CD200R1: variants seen among roughly 807,000 people sequenced by gnomAD.
The protein encoded by CD200R1 is CD200 receptor 1.
CD200R1 carries 30 observed loss-of-function variants against 38.1 expected under a neutral mutation model. The observed-to-expected ratio is 0.79, with a 90% CI of 0.59 to 1.07. CD200R1 has a LOEUF of 1.07. Ranked by LOEUF, CD200R1 falls within the 50% of genes least tolerant of loss-of-function variation. The pLI is 0.00. For synonymous variants in CD200R1, 128 were observed against 152.1 expected (o/e 0.84, Z 1.16); for missense variants, 372 against 415.4 (o/e 0.90, Z 0.91).
intron 1 of CD200R1, among the ~76,000 whole-genome samples, chr3:112,953,057 C>G (rs1941005354): frequency 2.0e-5 from 3 of 152,130 alleles, no homozygotes; most frequent in Non-Finnish European, 4.4e-5. Context: ...GAAAGGCTTT[C>G]CATTTTCCCC....
chr3:112,924,818 T>C (rs1393796131), intron 6 of CD200R1, among the ~76,000 whole-genome samples: 1 of 152,078 alleles, frequency 6.6e-6, no homozygotes, highest in Non-Finnish European at 1.5e-5. Context: ...ATTGTAATTA[T>C]TTACCCAAAT....
intron 1 of CD200R1, among the ~76,000 whole-genome samples, chr3:112,955,800 T>C (rs1167658147): frequency 6.6e-6 from 1 of 152,030 alleles, no homozygotes; most frequent in Non-Finnish European, 1.5e-5. Flanking sequence ...ATTTTTTTTT[T>C]TTTTCAGTAC....
At chr3:112,945,366 A>T (rs1940824352) in intron 2 of CD200R1, among the ~76,000 whole-genome samples, 1 of 152,222 alleles carries the variant, frequency 6.6e-6, no homozygotes, top group South Asian at 2.1e-4. Context: ...TAGCAAAAGA[A>T]GAGCTAAATA....
intron 1 of CD200R1, among the ~76,000 whole-genome samples, chr3:112,952,334 T>G (rs1940985756): frequency 6.6e-6 from 1 of 152,210 alleles, no homozygotes; most frequent in Non-Finnish European, 1.5e-5. Flanking sequence ...TTAATGTTGA[T>G]TTTGTATCCT....
chr3:112,955,481 A>G (rs1161061706), intron 1 of CD200R1, among the ~76,000 whole-genome samples: 1 of 151,600 alleles, frequency 6.6e-6, no homozygotes, highest in African/African-American at 2.4e-5. Flanking sequence ...CTTTATCAAT[A>G]TATAAAGACC....
At chr3:112,949,846 T>C (rs1299404935) in intron 1 of CD200R1, among the ~76,000 whole-genome samples, 1 of 152,138 alleles carries the variant, frequency 6.6e-6, no homozygotes, top group Non-Finnish European at 1.5e-5. Context: ...ACGGGAATAG[T>C]TAAGTTCGGG....
intron 1 of CD200R1, among the ~76,000 whole-genome samples, chr3:112,952,578 T>C (rs986082730): frequency 7.9e-5 from 12 of 152,006 alleles, no homozygotes; most frequent in South Asian, 2.1e-4. Context: ...TAGGTGGGAA[T>C]TGAACAATGA....
At chr3:112,933,950 G>T (rs9815606) in intron 2 of CD200R1, among the ~76,000 whole-genome samples, 87,634 of 151,628 alleles carry the variant, frequency 0.58, 25,697 homozygotes, top group African/African-American at 0.68. Flanking sequence ...AAAAGAAAAA[G>T]AATTTTAAAA....
intron 2 of CD200R1, among the ~76,000 whole-genome samples, chr3:112,946,111 CTG>C (rs1940854461): frequency 6.6e-6 from 1 of 151,672 alleles, no homozygotes; most frequent in Non-Finnish European, 1.5e-5. Context: ...CTTGTTGCCT[CTG>C]AGGGATTCCA....
intron 1 of CD200R1, among the ~76,000 whole-genome samples, 174 bp downstream of exon 1, chr3:112,974,617 A>G (rs1217458949): frequency 6.6e-6 from 1 of 152,184 alleles, no homozygotes; most frequent in African/African-American, 2.4e-5. Flanking sequence ...CAAGCAAGAC[A>G]CCGGAAAAAA....
At chr3:112,959,097 C>A (rs556489767) in intron 1 of CD200R1, among the ~76,000 whole-genome samples, 2 of 152,166 alleles carry the variant, frequency 1.3e-5, no homozygotes, top group African/African-American at 2.4e-5. Flanking sequence ...CTAAAAAAAA[C>A]TTAGAGATAG....
intron 1 of CD200R1, among the ~76,000 whole-genome samples, chr3:112,950,459 A>C (rs191505649): frequency 2.0e-5 from 3 of 152,216 alleles, no homozygotes; most frequent in African/African-American, 7.2e-5. Context: ...AAAAGTATCA[A>C]TATCAACTTA....
chr3:112,927,312 C>T (rs1940302761), intron 5 of CD200R1, among the ~76,000 whole-genome samples: 1 of 152,164 alleles, frequency 6.6e-6, no homozygotes, highest in Non-Finnish European at 1.5e-5. Flanking sequence ...GCTTATCTCT[C>T]CAAGGCCAGA....
intron 2 of CD200R1, among the ~76,000 whole-genome samples, chr3:112,942,900 A>G (rs148120992): frequency 3.0e-4 from 45 of 151,846 alleles, no homozygotes; most frequent in African/African-American, 9.6e-4. Flanking sequence ...ATTACATAAT[A>G]ATATATGAGT....
intron 1 of CD200R1, among the ~76,000 whole-genome samples, chr3:112,952,015 T>C (rs1315513077): frequency 6.8e-6 from 1 of 147,950 alleles, no homozygotes; most frequent in Admixed American, 6.8e-5. Flanking sequence ...AAACCTAGAA[T>C]AGCCAAGCTG....
At chr3:112,939,500 G>A (rs962270177) in intron 2 of CD200R1, among the ~76,000 whole-genome samples, 14 of 151,386 alleles carry the variant, frequency 9.2e-5, no homozygotes, top group Non-Finnish European at 1.0e-4. Context: ...CAGATGAAAA[G>A]GAAATCATGA....
chr3:112,944,826 A>AT (rs1218868903), intron 2 of CD200R1, among the ~76,000 whole-genome samples: 7 of 152,072 alleles, frequency 4.6e-5, no homozygotes, highest in Non-Finnish European at 8.8e-5. Context: ...ACAAAAGTCA[A>AT]TTTTTTGTAT....
intron 1 of CD200R1, among the ~76,000 whole-genome samples, chr3:112,967,669 T>C (rs1933202646): frequency 6.6e-6 from 1 of 152,174 alleles, no homozygotes; most frequent in South Asian, 2.1e-4. Context: ...CCCACCCACA[T>C]TTTTGCTTTG....
intron 2 of CD200R1, among the ~76,000 whole-genome samples, chr3:112,934,685 C>T (rs1940534912): frequency 6.6e-6 from 1 of 152,170 alleles, no homozygotes; most frequent in Admixed American, 6.5e-5. Flanking sequence ...CAAAAATTAG[C>T]TGGACATGGT....
Sources: allele counts gnomAD v4.1 joint callset (sites outside exome capture counted in the v4.1 genomes callset), GRCh38; gene constraint gnomAD v4.1.1; transcripts MANE v1.5; gene names NCBI Gene and HGNC (gene_info 2026-07-23, HGNC 2026-07-21).